Variants in CRISP1 observed in about 807,000 individuals in gnomAD.
CRISP1 encodes the protein cysteine-rich secretory protein 1.
CRISP1 carries 44 observed loss-of-function variants against 33.1 expected under a neutral mutation model. The observed-to-expected ratio is 1.33, with a 90% CI of 1.05 to 1.71. The LOEUF (loss-of-function observed/expected upper bound fraction) is 1.71. Ranked by LOEUF, CRISP1 falls within the 40% of genes most tolerant of loss-of-function variation. CRISP1 has a pLI of 0.00. For synonymous variants in CRISP1, 103 were observed against 98.7 expected (o/e 1.04, Z -0.26); for missense variants, 390 against 301.2 (o/e 1.29, Z -2.18).
rs1771093069 is a variant in CRISP1 at position 49,844,454 on chromosome 6, C to G, written c.435+2066G>C. On this transcript the variant is annotated intron_variant, in intron 5 of 7. Coordinates refer to ENST00000335847, the MANE Select transcript of CRISP1 (RefSeq NM_001131.3). ...ATCATGAGGGCTCCCATGCCCACTA[C>G]AGGTCCAGGGAGCAAGGCTGCTTCC... is the stretch of plus-strand genomic sequence containing the variant. 2.0e-5 allele frequency among the ~76,000 whole-genome samples: 3 copies of G among 152,172 alleles called. No individual in the cohort carries two copies. In the South Asian group the frequency reaches 6.2e-4, roughly 32 times the overall value.
At chr6:49,840,186 T>C (rs542898614) in intron 6 of CRISP1, among the ~76,000 whole-genome samples, 1 of 152,308 alleles carries the variant, frequency 6.6e-6, no homozygotes, top group South Asian at 2.1e-4. Flanking sequence ...TAATCTTCAC[T>C]TTTCTGATAA....
At chr6:49,863,193 A>C (rs1012590638) in intron 1 of CRISP1, among the ~76,000 whole-genome samples, 1 of 152,162 alleles carries the variant, frequency 6.6e-6, no homozygotes, top group African/African-American at 2.4e-5. Flanking sequence ...AGAGTTTGTG[A>C]GGGTGAAAAT....
intron 5 of CRISP1, among the ~76,000 whole-genome samples, chr6:49,844,969 G>A (rs1444443628): frequency 6.6e-6 from 1 of 152,050 alleles, no homozygotes; most frequent in East Asian, 1.9e-4. Flanking sequence ...AGTTGATACT[G>A]GAATAAATTA....
At chr6:49,842,020 C>T (rs1305320694) in intron 5 of CRISP1, among the ~76,000 whole-genome samples, 1 of 152,142 alleles carries the variant, frequency 6.6e-6, no homozygotes, top group African/African-American at 2.4e-5. Flanking sequence ...ACTTTCCTCA[C>T]ATTTCTGTTC....
chr6:49,864,322 A>G (rs537925855), intron 1 of CRISP1, among the ~76,000 whole-genome samples: 1 of 151,952 alleles, frequency 6.6e-6, no homozygotes, highest in African/African-American at 2.4e-5. Flanking sequence ...GTTTGGAACT[A>G]TTATAAATAA....
rs909241279 is a variant in CRISP1 at position 49,834,624 on chromosome 6, A to G, written c.*692T>C. On this transcript the variant is annotated 3_prime_UTR_variant, in exon 8 of 8. Coordinates refer to ENST00000335847, the MANE Select transcript of CRISP1 (RefSeq NM_001131.3). ...AATTTCTCATATTATGCTATTTTAT[A>G]TATCTTTTATACTGCCTTTGCAATG... 1 of 152,080 alleles carries G rather than the reference A, an allele frequency of 6.6e-6. No individual in the cohort carries two copies. The allele number at this position is 152,080 out of a possible 1,614,324, so 9.4% of individuals were successfully genotyped here.
chr6:49,851,679 G>C (rs1472212576), intron 3 of CRISP1, among the ~76,000 whole-genome samples: 4 of 152,166 alleles, frequency 2.6e-5, no homozygotes, highest in Non-Finnish European at 4.4e-5. Flanking sequence ...CAGACCTCAT[G>C]AATCAGGATA....
Position 49,835,301 on chromosome 6 carries a change from GA to G in CRISP1, c.*14del. ...CTCATCGTCACAGCATAGAACAGTT[GA>G]AAATAACAAAGACCTATTTTATCTC... On this transcript the variant is annotated 3_prime_UTR_variant, in exon 8 of 8. Coordinates refer to ENST00000335847, the MANE Select transcript of CRISP1 (RefSeq NM_001131.3). The G allele has an allele frequency of 1.2e-6, 2 of 1,612,956 alleles. No homozygotes were observed. The highest frequency in any genetic ancestry group is 1.7e-6 in the Non-Finnish European group (2 of 1,179,418).
chr6:49,854,817 AGG>A (rs1467497000), intron 2 of CRISP1, among the ~76,000 whole-genome samples: 3 of 152,114 alleles, frequency 2.0e-5, no homozygotes, highest in Non-Finnish European at 4.4e-5. Flanking sequence ...TGGGCATGAT[AGG>A]GGGAGAGTGC....
At chr6:49,848,994 G>T (rs1008180427) in intron 3 of CRISP1, among the ~76,000 whole-genome samples, 4 of 152,010 alleles carry the variant, frequency 2.6e-5, no homozygotes, top group African/African-American at 9.7e-5. Context: ...ATAAATAACT[G>T]ACAAAATAAG....
At chr6:49,866,901 A>T (rs1454241851), upstream of CRISP1, among the ~76,000 whole-genome samples, 1 of 152,130 alleles carries the variant, frequency 6.6e-6, no homozygotes, top group Non-Finnish European at 1.5e-5. Flanking sequence ...GATGCTGAGG[A>T]TACATAGAAT....
At chr6:49,857,279 T>C (rs1288662671) in intron 2 of CRISP1, 56 bp downstream of exon 2, 5 of 1,525,410 alleles carry the variant, frequency 3.3e-6, no homozygotes, top group Admixed American at 1.7e-5. Flanking sequence ...TGTATTAAAG[T>C]GTTAGCTCTT....
In CRISP1 at chr6:49,846,581, C is replaced by T. The variant is rs147586663; in HGVS notation, c.374G>A (p.Ser125Asn). The T allele has an allele frequency of 1.8e-4, 288 of 1,613,604 alleles. No individual in the cohort carries two copies. The highest frequency in any genetic ancestry group is 2.3e-4 in the Non-Finnish European group (275 of 1,179,724). ...VIGVWYSEST[S>N]FKHGEWTTTD... ...TGTTGTCCATTCTCCATGTTTGAAA[C>T]TTGTAGACTCACTGTACCAGACTCC... The change falls in exon 5 of 8, where the codon AGT becomes AAT. Residue 125 changes from serine (S) to asparagine (N), a missense_variant. Coordinates refer to ENST00000335847, the MANE Select transcript of CRISP1 (RefSeq NM_001131.3).
chr6:49,847,046 A>T (rs542894496), intron 4 of CRISP1, among the ~76,000 whole-genome samples: 28 of 152,250 alleles, frequency 1.8e-4, no homozygotes, highest in African/African-American at 6.0e-4. Flanking sequence ...TTGAATAAAC[A>T]TTTGTTTATT....
chr6:49,856,429 G>A (rs1386867395), intron 2 of CRISP1, among the ~76,000 whole-genome samples: 2 of 152,102 alleles, frequency 1.3e-5, no homozygotes, highest in Admixed American at 6.6e-5. Context: ...GTCTTATTCA[G>A]GACTCTAATT....
intron 5 of CRISP1, among the ~76,000 whole-genome samples, chr6:49,846,166 A>G (rs1310340525): frequency 6.6e-6 from 1 of 152,206 alleles, no homozygotes; most frequent in Non-Finnish European, 1.5e-5. Context: ...TTTTAAATGT[A>G]TATCTTACCA....
intron 7 of CRISP1, 86 bp downstream of exon 7, chr6:49,838,351 G>C: frequency 1.0e-6 from 1 of 954,038 alleles, no homozygotes; most frequent in Non-Finnish European, 1.6e-6. Flanking sequence ...AGAAAAGTGC[G>C]ATGTTTTTTA....
chr6:49,859,309 A>T (rs1771581275), intron 1 of CRISP1, among the ~76,000 whole-genome samples: 1 of 151,398 alleles, frequency 6.6e-6, no homozygotes, highest in Non-Finnish European at 1.5e-5. Context: ...GCATATCCAC[A>T]TCTCTGGAGC....
chr6:49,849,647 A>C (rs995895151), intron 3 of CRISP1, among the ~76,000 whole-genome samples: 2 of 152,156 alleles, frequency 1.3e-5, no homozygotes, highest in Non-Finnish European at 2.9e-5. Flanking sequence ...TGTTTTTACT[A>C]TAAGTTTTTA....
Sources: allele counts gnomAD v4.1 joint callset (sites outside exome capture counted in the v4.1 genomes callset), GRCh38; gene constraint gnomAD v4.1.1; transcripts MANE v1.5; gene names NCBI Gene and HGNC (gene_info 2026-07-23, HGNC 2026-07-21).